PHF20: variants seen among roughly 807,000 people sequenced by gnomAD.
PHF20 encodes glioma-expressed antigen 2.
A neutral mutation model predicts 113.5 loss-of-function variants in PHF20; 23 were observed. The observed-to-expected ratio is 0.20, with a 90% CI of 0.15 to 0.29. PHF20 has a LOEUF of 0.29. PHF20 is among the 10% of genes least tolerant of loss of function. The pLI is 1.00. For synonymous variants in PHF20, 434 were observed against 457.3 expected (o/e 0.95, Z 0.65); for missense variants, 943 against 1,219.6 (o/e 0.77, Z 3.38).
At chr20:35,905,763 A>C (rs2055191167) in intron 10 of PHF20, among the ~76,000 whole-genome samples, 1 of 152,246 alleles carries the variant, frequency 6.6e-6, no homozygotes, top group South Asian at 2.1e-4. Context: ...CTGTGCCAGG[A>C]ATAGGCATAG....
chr20:35,918,494 G>A (rs535056983), intron 13 of PHF20, among the ~76,000 whole-genome samples: 1 of 152,284 alleles, frequency 6.6e-6, no homozygotes, highest in South Asian at 2.1e-4. Context: ...CTTCTCTGGA[G>A]TCCTTTTGGT....
chr20:35,927,235 G>A (rs2055658410), intron 13 of PHF20, among the ~76,000 whole-genome samples: 1 of 152,226 alleles, frequency 6.6e-6, no homozygotes, highest in Admixed American at 6.5e-5. Flanking sequence ...TAAATGCAAA[G>A]TACTAACCCA....
intron 1 of PHF20, among the ~76,000 whole-genome samples, chr20:35,776,811 T>G (rs1334105717): frequency 6.6e-6 from 1 of 152,216 alleles, no homozygotes; most frequent in Non-Finnish European, 1.5e-5. Context: ...GCAAGTCACT[T>G]AATGCTATGG....
intron 13 of PHF20, among the ~76,000 whole-genome samples, chr20:35,923,320 G>C (rs954223876): frequency 1.7e-4 from 26 of 152,018 alleles, no homozygotes; most frequent in African/African-American, 2.4e-5. Context: ...CATTTTAATG[G>C]CCTAGCACTG....
chr20:35,899,186 C>T (rs927694757), intron 9 of PHF20, among the ~76,000 whole-genome samples, 184 bp from the exon 10 acceptor site: 2 of 151,980 alleles, frequency 1.3e-5, no homozygotes, highest in African/African-American at 4.8e-5. Flanking sequence ...ACAATTGAGT[C>T]TTATTTGACC....
At chr20:35,865,493 T>TTG (rs1247018915) in intron 6 of PHF20, among the ~76,000 whole-genome samples, 16 of 144,610 alleles carry the variant, frequency 1.1e-4, no homozygotes, top group African/African-American at 2.9e-4. Flanking sequence ...ACTTTTTAAG[T>TTG]TGTGTTTTTT....
At chr20:35,892,430 A>G (rs2054892316) in intron 9 of PHF20, among the ~76,000 whole-genome samples, 1 of 150,154 alleles carries the variant, frequency 6.7e-6, no homozygotes, top group Admixed American at 6.6e-5. Context: ...GCAGGTCTCG[A>G]ACTCCTGACC....
At chr20:35,779,016 G>T (rs75834985) in intron 1 of PHF20, among the ~76,000 whole-genome samples, 7,238 of 150,546 alleles carry the variant, frequency 0.048, 210 homozygotes, top group African/African-American at 0.089. Context: ...TAAACAAAGG[G>T]TTTTTTTTTG....
intron 1 of PHF20, among the ~76,000 whole-genome samples, chr20:35,784,433 CTTTTTTTT>C (rs35002007): frequency 1.8e-5 from 2 of 110,508 alleles, no homozygotes; most frequent in Admixed American, 1.3e-4. Context: ...ATCCCAAAGA[CTTTTTTTT>C]TTTTTTTTTT....
intron 13 of PHF20, among the ~76,000 whole-genome samples, chr20:35,924,119 G>T (rs1187287586): frequency 1.3e-5 from 2 of 151,416 alleles, no homozygotes; most frequent in African/African-American, 4.9e-5. Context: ...CATTCACATT[G>T]CTTTGCAACC....
chr20:35,819,551 A>G (rs2042133194), intron 2 of PHF20, among the ~76,000 whole-genome samples: 1 of 152,086 alleles, frequency 6.6e-6, no homozygotes, highest in Non-Finnish European at 1.5e-5. Flanking sequence ...TGAGTTTCAT[A>G]ATGTCCTTAG....
chr20:35,876,964 G>A (rs1284380865), intron 9 of PHF20, among the ~76,000 whole-genome samples: 3 of 151,832 alleles, frequency 2.0e-5, no homozygotes, highest in Non-Finnish European at 4.4e-5. Flanking sequence ...AAAATTGGCC[G>A]GGCGTGGTGG....
intron 13 of PHF20, among the ~76,000 whole-genome samples, chr20:35,926,537 C>CCGACAGA (rs1275206201): frequency 6.6e-6 from 1 of 152,102 alleles, no homozygotes; most frequent in African/African-American, 2.4e-5. Context: ...CCGCGCCCGG[C>CCGACAGA]CGACAGACTT....
intron 2 of PHF20, among the ~76,000 whole-genome samples, chr20:35,820,519 G>T (rs1366996541): frequency 1.3e-5 from 2 of 150,682 alleles, no homozygotes; most frequent in African/African-American, 4.9e-5. Flanking sequence ...CATGATCTTG[G>T]CTCACTGCAA....
At chr20:35,782,952 G>T (rs2041331403) in intron 1 of PHF20, among the ~76,000 whole-genome samples, 1 of 152,218 alleles carries the variant, frequency 6.6e-6, no homozygotes, top group Non-Finnish European at 1.5e-5. Context: ...CCAGCACTCT[G>T]GGAGGCCAAG....
chr20:35,918,838 G>A (rs1306719118), intron 13 of PHF20, among the ~76,000 whole-genome samples: 5 of 152,172 alleles, frequency 3.3e-5, no homozygotes, highest in South Asian at 4.1e-4. Flanking sequence ...ATATTATAGC[G>A]TTAATGGGGG....
At chr20:35,824,465 G>C (rs978327552) in intron 2 of PHF20, among the ~76,000 whole-genome samples, 2 of 151,892 alleles carry the variant, frequency 1.3e-5, no homozygotes, top group African/African-American at 4.8e-5. Flanking sequence ...AAATTAGCTG[G>C]GTGTGGTGGC....
chr20:35,834,430 T>C (rs933502255), intron 2 of PHF20, among the ~76,000 whole-genome samples: 2 of 151,950 alleles, frequency 1.3e-5, no homozygotes, highest in Non-Finnish European at 2.9e-5. Context: ...TTTGTATTTT[T>C]AGTAGAGACG....
intron 4 of PHF20, among the ~76,000 whole-genome samples, chr20:35,852,429 G>A (rs1279392683): frequency 6.6e-6 from 1 of 152,126 alleles, no homozygotes; most frequent in South Asian, 2.1e-4. Context: ...CTTTTGAGCA[G>A]TTAGAAGTCA....
Sources: gnomAD v4.1 joint callset for allele counts (sites outside exome capture counted in the v4.1 genomes callset) on GRCh38, gnomAD v4.1.1 for gene constraint, MANE v1.5 for transcripts, NCBI Gene and HGNC (gene_info 2026-07-23, HGNC 2026-07-21) for gene names.